The following MYO5B variants were observed in gnomAD, a reference collection of about 807,000 sequenced individuals.
MYO5B encodes the protein unconventional myosin-Vb.
MYO5B carries 143 observed loss-of-function variants against 229.3 expected under a neutral mutation model. The ratio of observed to expected loss-of-function variants is 0.62; its 90% confidence interval spans 0.54 to 0.72. MYO5B has a LOEUF of 0.72. MYO5B is among the 30% of genes least tolerant of loss of function. MYO5B has a pLI of 0.00. For missense variants in MYO5B, 2,321 were observed against 2,331.0 expected (o/e 1.00, Z 0.09); for synonymous variants, 918 against 885.2 (o/e 1.04, Z -0.66).
At chr18:50,033,743 C>T (rs16951418) in intron 4 of MYO5B, among the ~76,000 whole-genome samples, 1,732 of 152,216 alleles carry the variant, frequency 0.011, 31 homozygotes, top group African/African-American at 0.039. Context: ...ATTAAAATGA[C>T]GTTTCATAGG....
intron 1 of MYO5B, among the ~76,000 whole-genome samples, chr18:50,121,960 T>C (rs889382275): frequency 1.3e-5 from 2 of 152,218 alleles, no homozygotes; most frequent in African/African-American, 2.4e-5. Flanking sequence ...TGTTTCCTTT[T>C]TCCTACTTCC....
At chr18:49,945,373 G>A (rs1568041560) in intron 14 of MYO5B, among the ~76,000 whole-genome samples, 3 of 152,124 alleles carry the variant, frequency 2.0e-5, no homozygotes. Context: ...TCCTAGGTTA[G>A]GCTAGAATCC....
At chr18:50,139,347 C>T (rs1196832419) in intron 1 of MYO5B, among the ~76,000 whole-genome samples, 1 of 152,222 alleles carries the variant, frequency 6.6e-6, no homozygotes, top group Non-Finnish European at 1.5e-5. Flanking sequence ...TGGACCCTAG[C>T]AGATCACACT....
rs200257028 is a variant in MYO5B at position 49,896,054 on chromosome 18, A to C, written c.2812-880T>G. Among the ~76,000 whole-genome samples, 16 of 152,338 alleles carry C rather than the reference A, an allele frequency of 1.1e-4. No individual in the cohort carries two copies. In the East Asian group the frequency reaches 1.7e-3, roughly 17 times the overall value. ...TCTGTAGGAGCGCCAGGCAGAACAG[A>C]GCTAGCGGCCAAATCACCGATAAGC... is the stretch of plus-strand genomic sequence containing the variant. On this transcript the variant is annotated intron_variant, in intron 21 of 39. Coordinates refer to ENST00000285039, the MANE Select transcript of MYO5B (RefSeq NM_001080467.3).
intron 1 of MYO5B, among the ~76,000 whole-genome samples, chr18:50,101,496 C>T (rs983191182): frequency 7.2e-5 from 11 of 151,802 alleles, no homozygotes; most frequent in Admixed American, 2.0e-4. Flanking sequence ...TGCAATCTAC[C>T]CATCTGACAA....
chr18:49,883,665 ACCCAAAC>A (rs2024612657), intron 22 of MYO5B, among the ~76,000 whole-genome samples: 1 of 151,364 alleles, frequency 6.6e-6, no homozygotes, highest in Admixed American at 6.6e-5. Flanking sequence ...GATCCAGAAT[ACCCAAAC>A]GATCTTGAAG....
At chr18:49,847,347 T>G in intron 32 of MYO5B, 58 bp from the exon 33 acceptor site, 1 of 1,585,810 alleles carries the variant, frequency 6.3e-7, no homozygotes, top group Non-Finnish European at 8.6e-7. Context: ...GGCCTGAGGG[T>G]AGCGGGCATC....
Position 49,863,213 on chromosome 18 carries a change from C to A in MYO5B, c.3944+14G>T, listed in dbSNP as rs373480302. On this transcript the variant is annotated intron_variant, in intron 29 of 39. Transcript: ENST00000285039. ...CGCGGCCTCGTCCAGCACATTTGAC[C>A]GCGGCGGCCTTACCTGTTTGTCTGG... 2.5e-6 allele frequency: 4 copies of A among 1,607,378 alleles called. No individual in the cohort carries two copies. The African/African-American group carries it at 5.4e-5, about 22-fold the overall frequency.
At chr18:49,970,546 G>A (rs1005646411) in intron 10 of MYO5B, among the ~76,000 whole-genome samples, 20 of 152,198 alleles carry the variant, frequency 1.3e-4, no homozygotes, top group Admixed American at 9.8e-4. Context: ...GTGTGTATAC[G>A]ATGCTGGCGT....
intron 1 of MYO5B, among the ~76,000 whole-genome samples, chr18:50,185,497 T>G (rs1401172107): frequency 1.3e-5 from 2 of 152,194 alleles, no homozygotes; most frequent in Admixed American, 6.5e-5. Flanking sequence ...GATTAACAAT[T>G]TATTAGTATG....
At position 49,912,100 on chromosome 18, in the gene MYO5B, T is replaced by C; in HGVS notation, c.2164A>G (p.Lys722Glu). The C allele has an allele frequency of 6.2e-7, 1 of 1,614,094 alleles. No homozygotes were observed. The highest frequency in any genetic ancestry group is 8.5e-7 in the Non-Finnish European group (1 of 1,180,020). Reference sequence around the variant, plus strand: ...TCCAGGACAGACCTGCAGATGGCCTTTTTGTCTGTGTTGGCGAGCTCTCTC... The same window carrying C: ...TCCAGGACAGACCTGCAGATGGCCTCTTTGTCTGTGTTGGCGAGCTCTCTC... ...KKRELANTDK[K>E]AICRSVLENL... Residue 722 changes from lysine to glutamate, a missense_variant, in exon 18 of 40, where the codon AAG (lysine) becomes GAG (glutamate). Coordinates refer to ENST00000285039, the MANE Select transcript of MYO5B (RefSeq NM_001080467.3).
intron 1 of MYO5B, 113 bp downstream of exon 1, chr18:50,194,654 G>A (rs1368084945): frequency 7.6e-5 from 54 of 710,280 alleles, no homozygotes; most frequent in Non-Finnish European, 1.0e-4. Flanking sequence ...GCGGAGGGGG[G>A]TCTCCCGTCA....
intron 18 of MYO5B, among the ~76,000 whole-genome samples, chr18:49,909,284 G>C (rs2024933038): frequency 6.6e-6 from 1 of 152,216 alleles, no homozygotes; most frequent in African/African-American, 2.4e-5. Flanking sequence ...GAAATCTTTA[G>C]CATTAGTGTC....
At chr18:49,862,276 G>C (rs900793047) in intron 29 of MYO5B, among the ~76,000 whole-genome samples, 14 of 152,166 alleles carry the variant, frequency 9.2e-5, no homozygotes, top group Admixed American at 2.0e-4. Context: ...TAGATTACAG[G>C]TGTGAGCCAC....
At chr18:49,915,700 T>C (rs2025006037) in intron 17 of MYO5B, among the ~76,000 whole-genome samples, 1 of 152,262 alleles carries the variant, frequency 6.6e-6, no homozygotes, top group Non-Finnish European at 1.5e-5. Flanking sequence ...TTTTAATTAT[T>C]TGATCATGTA....
At chr18:50,009,668 T>G (rs954169979) in intron 4 of MYO5B, among the ~76,000 whole-genome samples, 2 of 152,116 alleles carry the variant, frequency 1.3e-5, no homozygotes. Context: ...TAAGTCAGAT[T>G]TGGGCTCAAA....
chr18:49,902,840 G>A lies in MYO5B; in HGVS notation c.2572-7C>T, dbSNP rs1365637042. On this transcript the variant is annotated splice_polypyrimidine_tract_variant and splice_region_variant and intron_variant, in intron 20 of 39. Transcript: ENST00000285039. ...CCTTGTGCTCCATGAGGACCTGGCGGGAAACAAGGATACACATCTTGTGGG... is the reference window on the plus strand; with the variant it reads ...CCTTGTGCTCCATGAGGACCTGGCGAGAAACAAGGATACACATCTTGTGGG... The A allele has an allele frequency of 6.3e-7, 1 of 1,598,904 alleles. No homozygotes were observed. The highest frequency in any genetic ancestry group is 8.5e-7 in the Non-Finnish European group (1 of 1,179,674).
intron 22 of MYO5B, among the ~76,000 whole-genome samples, chr18:49,882,785 T>C (rs1011346058): frequency 6.6e-6 from 1 of 151,950 alleles, no homozygotes; most frequent in Non-Finnish European, 1.5e-5. Flanking sequence ...GAAATGGAAA[T>C]ACACACTTTA....
chr18:50,028,675 T>A (rs1815939), intron 4 of MYO5B, among the ~76,000 whole-genome samples: 148,942 of 152,324 alleles, frequency 0.98, 72,912 homozygotes, highest in East Asian at 1. Context: ...AAAATGTAAC[T>A]CATTTGAGAA....
Sources: gnomAD v4.1 joint callset for allele counts (sites outside exome capture counted in the v4.1 genomes callset) on GRCh38, gnomAD v4.1.1 for gene constraint, MANE v1.5 for transcripts, NCBI Gene and HGNC (gene_info 2026-07-23, HGNC 2026-07-21) for gene names.